Variants in SNAP25 observed in about 807,000 individuals in gnomAD.
SNAP25 encodes synaptosome associated protein 25, also known as synaptosomal-associated protein 25.
A neutral mutation model predicts 28.7 loss-of-function variants in SNAP25; 3 were observed. That is an observed-to-expected ratio of 0.10 (90% CI 0.05 to 0.27). SNAP25 has a LOEUF of 0.27. Ranked by LOEUF, SNAP25 falls within the 10% of genes least tolerant of loss-of-function variation. The probability of loss-of-function intolerance (pLI) is 1.00; values close to 1 mark genes in which losing one functional copy is unlikely to be tolerated. For missense variants in SNAP25, 117 were observed against 278.7 expected, an observed-to-expected ratio of 0.42 and a Z score of 4.13; for synonymous variants, 61 against 88.1, an observed-to-expected ratio of 0.69 and a Z score of 1.72.
chr20:10,292,314 T>C (rs1328023371), intron 4 of SNAP25, among the ~76,000 whole-genome samples: 2 of 152,202 alleles, frequency 1.3e-5, no homozygotes, highest in Non-Finnish European at 2.9e-5. Context: ...GAATTACATA[T>C]GCACAATCAA....
At chr20:10,292,685 T>C (rs2064024349) in intron 4 of SNAP25, among the ~76,000 whole-genome samples, 1 of 152,222 alleles carries the variant, frequency 6.6e-6, no homozygotes, top group African/African-American at 2.4e-5. Context: ...TTACAAAGTA[T>C]TTTGAGCATC....
chr20:10,294,768 T>C (rs1351562477), intron 5 of SNAP25, among the ~76,000 whole-genome samples: 1 of 146,088 alleles, frequency 6.8e-6, no homozygotes, highest in Non-Finnish European at 1.5e-5. Context: ...CACTGTTCAT[T>C]AAGAAAGTCA....
rs187410014 is a variant in SNAP25 at position 10,273,273 on chromosome 20, C to T, written c.-63-2156C>T. ...CAAATCTAATTTCCTCTCCCAGCTTCGGTTTTCAATAGAAAGACAAACAAA... is the reference window on the plus strand; with the variant it reads ...CAAATCTAATTTCCTCTCCCAGCTTTGGTTTTCAATAGAAAGACAAACAAA... On this transcript the variant is annotated intron_variant, in intron 1 of 7. Coordinates refer to ENST00000254976, the MANE Select transcript of SNAP25 (RefSeq NM_130811.4). Among the ~76,000 whole-genome samples the T allele has an allele frequency of 8.1e-4, 123 of 152,252 alleles. 1 individual carries two copies. Among genetic ancestry groups the T allele is most frequent in the South Asian group, 6.6e-3 (32 of 4,822 alleles).
chr20:10,226,978 T>A (rs1164126273), intron 1 of SNAP25, among the ~76,000 whole-genome samples: 1 of 152,054 alleles, frequency 6.6e-6, no homozygotes, highest in Non-Finnish European at 1.5e-5. Context: ...GAAATCCTAT[T>A]CCCAACTCCA....
intron 1 of SNAP25, among the ~76,000 whole-genome samples, chr20:10,254,870 T>C (rs111416951): frequency 0.012 from 1,780 of 152,246 alleles, 33 homozygotes; most frequent in African/African-American, 0.04. Context: ...AAAACAGATA[T>C]AGCCTGCCTG....
intron 1 of SNAP25, among the ~76,000 whole-genome samples, chr20:10,252,356 G>T (rs1343100867): frequency 1.3e-5 from 2 of 152,124 alleles, no homozygotes; most frequent in African/African-American, 4.8e-5. Flanking sequence ...ACTGATTAAT[G>T]CCCTCCAGGC....
intron 1 of SNAP25, among the ~76,000 whole-genome samples, chr20:10,223,480 C>A (rs1366917839): frequency 6.6e-6 from 1 of 152,076 alleles, no homozygotes; most frequent in Non-Finnish European, 1.5e-5. Flanking sequence ...AGAGACACCA[C>A]AGGATAACAT....
At chr20:10,301,756 A>T (rs1302776763) in intron 7 of SNAP25, among the ~76,000 whole-genome samples, 1 of 151,584 alleles carries the variant, frequency 6.6e-6, no homozygotes, top group Non-Finnish European at 1.5e-5. Context: ...TTTTCAATAC[A>T]TCCTCATGGA....
intron 1 of SNAP25, among the ~76,000 whole-genome samples, chr20:10,255,184 T>C (rs1347971953): frequency 6.6e-6 from 1 of 152,142 alleles, no homozygotes; most frequent in Non-Finnish European, 1.5e-5. Flanking sequence ...AGAATAACGG[T>C]TGTGACAGCC....
At chr20:10,266,357 A>G (rs1298620682) in intron 1 of SNAP25, among the ~76,000 whole-genome samples, 1 of 152,176 alleles carries the variant, frequency 6.6e-6, no homozygotes, top group African/African-American at 2.4e-5. Context: ...CACCAAACCC[A>G]TTTTTGATCA....
At chr20:10,246,554 C>G (rs1281382663) in intron 1 of SNAP25, among the ~76,000 whole-genome samples, 1 of 152,134 alleles carries the variant, frequency 6.6e-6, no homozygotes, top group African/African-American at 2.4e-5. Flanking sequence ...AGGGGCTCAT[C>G]AGTACCCCAG....
chr20:10,235,672 T>G (rs2062905790), intron 1 of SNAP25, among the ~76,000 whole-genome samples: 1 of 152,208 alleles, frequency 6.6e-6, no homozygotes, highest in East Asian at 1.9e-4. Context: ...ATTGTGTATG[T>G]GTCTATGGGC....
At chr20:10,298,476 C>G (rs1469180682) in intron 6 of SNAP25, among the ~76,000 whole-genome samples, 2 of 152,068 alleles carry the variant, frequency 1.3e-5, no homozygotes, top group African/African-American at 2.4e-5. Flanking sequence ...AAATAAGTAC[C>G]TCCTTAACTT....
intron 1 of SNAP25, among the ~76,000 whole-genome samples, chr20:10,246,111 T>C (rs542249854): frequency 9.2e-5 from 14 of 152,220 alleles, no homozygotes; most frequent in Non-Finnish European, 1.9e-4. Flanking sequence ...CTGGGAAAAC[T>C]TGGAATTCCA....
intron 1 of SNAP25, among the ~76,000 whole-genome samples, chr20:10,233,447 C>T (rs2062860654): frequency 6.6e-6 from 1 of 152,160 alleles, no homozygotes; most frequent in Non-Finnish European, 1.5e-5. Context: ...TTTTCTTGGA[C>T]ACAGTGAAGG....
chr20:10,293,181 G>C lies in SNAP25; in HGVS notation c.184G>C (p.Glu62Gln). The C allele has an allele frequency of 3.7e-6, 6 of 1,614,004 alleles. No homozygotes were observed. Among genetic ancestry groups the C allele is most frequent in the Non-Finnish European group, 5.1e-6 (6 of 1,179,964 alleles). The change falls in exon 5 of 8, where the codon GAA becomes CAA. Residue 62 changes from glutamate to glutamine, a missense_variant. This residue lies in a region of SNAP25 where 88 missense variants were observed against 206.9 expected (regional missense o/e 0.43). Coordinates refer to ENST00000254976, the MANE Select transcript of SNAP25 (RefSeq NM_130811.4). This position sits in a 1 kb window ranked among gnomAD's most constrained non-coding sequence, Gnocchi z 5.6. ...EQGEQLERIE[E>Q]GMDQINKDMK... ...ATCAGAACAACTGGAACGCATTGAG[G>C]AAGGGATGGACCAAATCAATAAGGA...
At chr20:10,298,345 T>C (rs2064159788) in intron 6 of SNAP25, among the ~76,000 whole-genome samples, 2 of 152,242 alleles carry the variant, frequency 1.3e-5, no homozygotes, top group African/African-American at 4.8e-5. Context: ...TAATTTTCTC[T>C]GCCCTGGGCT....
intron 1 of SNAP25, among the ~76,000 whole-genome samples, chr20:10,246,701 A>G (rs892061352): frequency 2.6e-5 from 4 of 152,200 alleles, no homozygotes; most frequent in African/African-American, 9.7e-5. Context: ...TCCAGAAAGA[A>G]TAGATGTGCC....
chr20:10,232,939 T>C (rs2062852044), intron 1 of SNAP25, among the ~76,000 whole-genome samples: 1 of 152,178 alleles, frequency 6.6e-6, no homozygotes, highest in Non-Finnish European at 1.5e-5. Flanking sequence ...GATCCCTTTA[T>C]TTTTCAACAA....
Sources: gnomAD v4.1 joint callset for allele counts (sites outside exome capture counted in the v4.1 genomes callset) on GRCh38, gnomAD v4.1.1 for gene constraint, gnomAD v4.1.1 regional missense constraint, Gnocchi (gnomAD v3.1) non-coding constraint, MANE v1.5 for transcripts, NCBI Gene and HGNC (gene_info 2026-07-23, HGNC 2026-07-21) for gene names.